Variants in PAX3 observed in about 807,000 individuals in gnomAD.
The protein encoded by PAX3 is paired box protein Pax-3.
Under a neutral mutation model 51.6 loss-of-function variants are expected in PAX3, and 14 were observed. That is an observed-to-expected ratio of 0.27 (90% CI 0.18 to 0.42). The LOEUF (loss-of-function observed/expected upper bound fraction) is 0.42. Among genes scored for constraint, PAX3 ranks in the 10% least tolerant of loss-of-function variants. The pLI is 1.00. For synonymous variants in PAX3, 280 were observed against 253.4 expected (o/e 1.11, Z -1.00); for missense variants, 540 against 642.8 (o/e 0.84, Z 1.73).
intron 5 of PAX3, 128 bp from the exon 6 acceptor site, chr2:222,221,515 C>G: frequency 2.3e-6 from 2 of 888,372 alleles, no homozygotes; most frequent in East Asian, 5.0e-5. Context: ...GAGTTCTCTG[C>G]CTTCTGTGTT....
intron 7 of PAX3, among the ~76,000 whole-genome samples, chr2:222,215,844 C>T (rs1481140081): frequency 1.3e-5 from 2 of 152,152 alleles, no homozygotes; most frequent in African/African-American, 2.4e-5. Flanking sequence ...GATGGTACTA[C>T]AGAAGACAGC....
At chr2:222,254,388 T>TTGCA (rs59516035) in intron 4 of PAX3, among the ~76,000 whole-genome samples, 14,540 of 152,236 alleles carry the variant, frequency 0.096, 887 homozygotes, top group East Asian at 0.32. Flanking sequence ...ATGCTTCCTC[T>TTGCA]TGCAATAAGC....
At position 222,294,150 on chromosome 2, in the gene PAX3, A is replaced by G. The variant is rs1023424592; in HGVS notation, c.586+17T>C. ...AAGTCACCCAGCAAGTGCGCCGCCC[A>G]AGGCGCCACCGCTTACCTCGCTCGC... is the stretch of plus-strand genomic sequence containing the variant. On this transcript the variant is annotated intron_variant, in intron 4 of 8. Transcript: ENST00000392070. 5 of 1,613,940 alleles carry G rather than the reference A, an allele frequency of 3.1e-6. No homozygotes were observed. In the African/African-American group the frequency reaches 6.7e-5, roughly 22 times the overall value.
intron 4 of PAX3, 119 bp from the exon 5 acceptor site, chr2:222,232,402 T>TA: frequency 1.2e-6 from 1 of 821,312 alleles, no homozygotes; most frequent in South Asian, 1.6e-5. Flanking sequence ...ATACCTAAAG[T>TA]AAAATAAATG....
chr2:222,278,999 G>A (rs1694531903), intron 4 of PAX3, among the ~76,000 whole-genome samples: 1 of 152,192 alleles, frequency 6.6e-6, no homozygotes, highest in Non-Finnish European at 1.5e-5. Context: ...TGCCCAGGCT[G>A]GAGTGCAGTG....
chr2:222,201,689 C>T (rs953715918), intron 8 of PAX3: 1 of 1,444,208 alleles, frequency 6.9e-7, no homozygotes, highest in Non-Finnish European at 9.1e-7. Flanking sequence ...TTTTGGCCAA[C>T]CCTTGTGTTT....
At chr2:222,295,740 G>C (rs1376869704) in intron 2 of PAX3, 83 bp from the exon 3 acceptor site, 4 of 1,493,086 alleles carry the variant, frequency 2.7e-6, no homozygotes, top group Non-Finnish European at 3.7e-6. Context: ...GGGCCTGTCG[G>C]GATGCTCCTC....
intron 4 of PAX3, among the ~76,000 whole-genome samples, chr2:222,236,794 T>C (rs1692814082): frequency 6.6e-6 from 1 of 152,154 alleles, no homozygotes; most frequent in Non-Finnish European, 1.5e-5. Context: ...CTTAAGTTGC[T>C]CAATCATATT....
At chr2:222,266,685 A>G (rs1694066281) in intron 4 of PAX3, among the ~76,000 whole-genome samples, 1 of 152,344 alleles carries the variant, frequency 6.6e-6, no homozygotes, top group East Asian at 1.9e-4. Flanking sequence ...CTTTGTGGCT[A>G]TCTGCCTGGC....
chr2:222,294,292 A>G lies in PAX3; in HGVS notation c.461T>C (p.Ile154Thr). 2 of 1,614,176 alleles carry G rather than the reference A, an allele frequency of 1.2e-6. No individual in the cohort carries two copies. The highest frequency in any genetic ancestry group is 1.7e-6 in the Non-Finnish European group (2 of 1,180,032). Residue 154 changes from isoleucine (I) to threonine (T), a missense_variant, in exon 4 of 9, where the codon ATC (isoleucine) becomes ACC (threonine). Ile to Thr is a moderately conservative substitution (Grantham distance 89). This residue lies in a region of PAX3 where 427 missense variants were observed against 483.6 expected (regional missense o/e 0.88). Transcript: ENST00000392070. ...GAATTTACTTCTCAGGATGCGGCTG[A>G]TGGAACTCACTGGGGGCGGGAGGAG... ...DRNTVPSVSS[I>T]SRILRSKFGK...
At chr2:222,251,250 C>T (rs565867374) in intron 4 of PAX3, among the ~76,000 whole-genome samples, 55 of 152,246 alleles carry the variant, frequency 3.6e-4, no homozygotes, top group African/African-American at 1.3e-3. Flanking sequence ...GCTATCCCTC[C>T]ACCCTCCCCC....
At chr2:222,281,690 C>G (rs552736139) in intron 4 of PAX3, among the ~76,000 whole-genome samples, 78 of 152,334 alleles carry the variant, frequency 5.1e-4, no homozygotes, top group African/African-American at 1.9e-3. Context: ...GTGTGGAGAG[C>G]TGCATACTTT....
intron 4 of PAX3, among the ~76,000 whole-genome samples, chr2:222,286,956 C>A (rs373745421): frequency 3.3e-5 from 5 of 152,218 alleles, no homozygotes; most frequent in South Asian, 2.1e-4. Flanking sequence ...GTTAAACAGG[C>A]ATTTTGATAA....
intron 4 of PAX3, among the ~76,000 whole-genome samples, chr2:222,279,751 G>A (rs1379547390): frequency 2.0e-5 from 3 of 152,146 alleles, no homozygotes; most frequent in Non-Finnish European, 4.4e-5. Flanking sequence ...GGGAAAAAAT[G>A]TTAGTTTAAA....
At chr2:222,272,140 T>C (rs570716035) in intron 4 of PAX3, among the ~76,000 whole-genome samples, 21 of 152,254 alleles carry the variant, frequency 1.4e-4, no homozygotes, top group Non-Finnish European at 2.8e-4. Context: ...GCCGCCACTG[T>C]TTATCCCAGT....
intron 4 of PAX3, among the ~76,000 whole-genome samples, chr2:222,245,240 A>G (rs1693180943): frequency 6.6e-6 from 1 of 152,254 alleles, no homozygotes. Context: ...CTAAACAGGA[A>G]GGCCAAGCTT....
chr2:222,227,129 A>T (rs1242173211), intron 5 of PAX3, among the ~76,000 whole-genome samples: 5 of 152,094 alleles, frequency 3.3e-5, no homozygotes, highest in African/African-American at 9.7e-5. Context: ...TTGCTCAACA[A>T]AACACATTTG....
chr2:222,298,443 C>T (rs1574774933), intron 1 of PAX3, 88 bp downstream of exon 1: 2 of 1,144,972 alleles, frequency 1.7e-6, no homozygotes, highest in Non-Finnish European at 2.6e-6. Context: ...CCTGGAAGCA[C>T]CAAAGGAGCC....
chr2:222,207,211 A>G (rs1190897435), intron 7 of PAX3, among the ~76,000 whole-genome samples: 1 of 152,174 alleles, frequency 6.6e-6, no homozygotes, highest in East Asian at 1.9e-4. Context: ...CAGTAACTGT[A>G]TCTTTGAGGT....
Sources: allele counts gnomAD v4.1 joint callset (sites outside exome capture counted in the v4.1 genomes callset), GRCh38; gene constraint gnomAD v4.1.1; regional missense constraint gnomAD v4.1.1; transcripts MANE v1.5; gene names NCBI Gene and HGNC (gene_info 2026-07-23, HGNC 2026-07-21).